GLI2: variants seen among roughly 807,000 people sequenced by gnomAD.
The protein encoded by GLI2 is GLI family zinc finger 2.
In GLI2, 22 loss-of-function variants were observed where a neutral mutation model predicts 78.9. The observed-to-expected ratio is 0.28, with a 90% CI of 0.20 to 0.40. The LOEUF (loss-of-function observed/expected upper bound fraction) is 0.40. GLI2 is among the 10% of genes least tolerant of loss of function. GLI2 has a pLI of 1.00. For synonymous variants in GLI2, 974 were observed against 963.7 expected (o/e 1.01, Z -0.20); for missense variants, 2,097 against 2,213.2 (o/e 0.95, Z 1.05).
At chr2:120,775,553 C>G (rs1349146814) in intron 1 of GLI2, among the ~76,000 whole-genome samples, 1 of 152,156 alleles carries the variant, frequency 6.6e-6, no homozygotes, top group Non-Finnish European at 1.5e-5. Context: ...CATTTTGCTC[C>G]CCCATGCACC....
At chr2:120,821,805 C>G (rs1264232933) in intron 2 of GLI2, among the ~76,000 whole-genome samples, 2 of 152,198 alleles carry the variant, frequency 1.3e-5, no homozygotes, top group African/African-American at 4.8e-5. Context: ...CCCCATTTTA[C>G]AGATGGGGAT....
rs916788603 is a variant in GLI2 at position 120,933,071 on chromosome 2, C to T, written c.254+5605C>T. The stretch of plus-strand genomic sequence containing the variant: ...CGGGAACTGTGGTGAGAGGACCTGC[C>T]AGAGCTGCCACAGTGGCCCTGGGGA... On this transcript the variant is annotated intron_variant, in intron 3 of 13. Coordinates refer to ENST00000361492, the MANE Select transcript of GLI2 (RefSeq NM_001374353.1). Among the ~76,000 whole-genome samples the T allele has an allele frequency of 5.3e-5, 8 of 152,124 alleles. No homozygotes were observed. In the East Asian group the frequency reaches 1.3e-3, roughly 26 times the overall value.
intron 1 of GLI2, among the ~76,000 whole-genome samples, chr2:120,759,232 G>A (rs937738155): frequency 2.6e-5 from 4 of 152,154 alleles, no homozygotes; most frequent in African/African-American, 4.8e-5. Context: ...CACTTCTGCC[G>A]TGAATACCAG....
chr2:120,848,590 G>C (rs1687237361), intron 2 of GLI2, among the ~76,000 whole-genome samples: 1 of 152,196 alleles, frequency 6.6e-6, no homozygotes, highest in Non-Finnish European at 1.5e-5. Context: ...AGGAGACCCT[G>C]GGGAGGGAAG....
chr2:120,896,298 A>G (rs574987086), intron 2 of GLI2, among the ~76,000 whole-genome samples: 2 of 151,508 alleles, frequency 1.3e-5, no homozygotes, highest in African/African-American at 4.8e-5. Context: ...TGGGAGACTC[A>G]GACACACCAG....
chr2:120,785,916 C>T lies in GLI2; in HGVS notation c.-30-11375C>T, dbSNP rs530318578. On this transcript the variant is annotated intron_variant, in intron 1 of 13. Coordinates refer to ENST00000361492, the MANE Select transcript of GLI2 (RefSeq NM_001374353.1). Reference sequence around the variant, plus strand: ...CAGGTAAGGGGCCCAGTGACAGCCCCGCTGCATCATTGGCAAAGGACTGCT... The same window carrying T: ...CAGGTAAGGGGCCCAGTGACAGCCCTGCTGCATCATTGGCAAAGGACTGCT... Among the ~76,000 whole-genome samples, 19 of 152,330 alleles carry T rather than the reference C, an allele frequency of 1.2e-4. No homozygotes were observed. In the East Asian group the frequency reaches 2.5e-3, roughly 20 times the overall value.
intron 3 of GLI2, among the ~76,000 whole-genome samples, chr2:120,933,437 G>C (rs771189539): frequency 2.0e-5 from 3 of 152,146 alleles, no homozygotes; most frequent in Non-Finnish European, 4.4e-5. Context: ...GTCAAGCAAG[G>C]TTCTCTTGAA....
At chr2:120,801,024 C>T (rs1187136258) in intron 2 of GLI2, among the ~76,000 whole-genome samples, 1 of 152,208 alleles carries the variant, frequency 6.6e-6, no homozygotes, top group African/African-American at 2.4e-5. Context: ...ATGCAGCCTC[C>T]CCCACCCCTC....
chr2:120,749,852 A>G (rs1682811507), intron 1 of GLI2, among the ~76,000 whole-genome samples: 1 of 152,242 alleles, frequency 6.6e-6, no homozygotes, highest in Non-Finnish European at 1.5e-5. Flanking sequence ...CAAGTGCCGC[A>G]TCAGCCCCCA....
At chr2:120,785,923 T>G (rs1431999334) in intron 1 of GLI2, among the ~76,000 whole-genome samples, 2 of 152,202 alleles carry the variant, frequency 1.3e-5, no homozygotes, top group African/African-American at 2.4e-5. Flanking sequence ...CCCCGCTGCA[T>G]CATTGGCAAA....
intron 1 of GLI2, among the ~76,000 whole-genome samples, chr2:120,761,757 C>A (rs999323969): frequency 1.3e-5 from 2 of 152,136 alleles, no homozygotes; most frequent in African/African-American, 4.8e-5. Flanking sequence ...TGTGCCATTC[C>A]AGGATGCCAG....
intron 2 of GLI2, among the ~76,000 whole-genome samples, chr2:120,839,445 T>A (rs1686763654): frequency 6.6e-6 from 1 of 152,254 alleles, no homozygotes; most frequent in African/African-American, 2.4e-5. Context: ...CAGGAATGTG[T>A]TCATTTTTCT....
Position 120,990,657 on chromosome 2 carries a change from C to T in GLI2, c.4692C>T (p.Phe1564=), listed in dbSNP as rs1397595368. 6.2e-7 allele frequency: 1 copy of T among 1,612,452 alleles called. No homozygotes were observed. Among genetic ancestry groups the T allele is most frequent in the East Asian group, 2.2e-5 (1 of 44,862 alleles). The change falls in exon 14 of 14, where the codon TTC becomes TTT. Residue 1564 remains phenylalanine, a synonymous_variant. Transcript: ENST00000361492. ...MLTSLAEESK[F]LNMMT ...CCAGCCTCGCCGAGGAGAGCAAGTT[C>T]CTGAACATGATGACCTAGAGGCCCG...
In GLI2 at chr2:120,790,015, C is replaced by G. The variant is rs1339344399; in HGVS notation, c.-30-7276C>G. Among the ~76,000 whole-genome samples, 5 of 152,214 alleles carry G rather than the reference C, an allele frequency of 3.3e-5. No individual in the cohort carries two copies. In the East Asian group the frequency reaches 9.6e-4, roughly 29 times the overall value. On this transcript the variant is annotated intron_variant, in intron 1 of 13. Transcript: ENST00000361492. Reference sequence around the variant, plus strand: ...TTCTCTAGTCATGGGGCTCCCGGTGCAGCGACACCCTAGGCAGAGGAGGGG... The same window carrying G: ...TTCTCTAGTCATGGGGCTCCCGGTGGAGCGACACCCTAGGCAGAGGAGGGG...
At chr2:120,738,042 G>A (rs1682421377) in intron 1 of GLI2, among the ~76,000 whole-genome samples, 2 of 152,232 alleles carry the variant, frequency 1.3e-5, no homozygotes, top group African/African-American at 4.8e-5. Flanking sequence ...CCTCCCTGGG[G>A]CCTGGGAACG....
At chr2:120,914,653 A>C (rs1360760346) in intron 2 of GLI2, among the ~76,000 whole-genome samples, 1 of 152,074 alleles carries the variant, frequency 6.6e-6, no homozygotes, top group Non-Finnish European at 1.5e-5. Flanking sequence ...AGCTCACCCC[A>C]GTCTCCCACC....
intron 3 of GLI2, among the ~76,000 whole-genome samples, chr2:120,934,948 A>G (rs995625229): frequency 2.0e-5 from 3 of 152,280 alleles, no homozygotes; most frequent in East Asian, 3.9e-4. Flanking sequence ...GTGACTCACC[A>G]GTGTCATCCC....
chr2:120,850,064 G>A (rs1444441574), intron 2 of GLI2, among the ~76,000 whole-genome samples: 1 of 152,214 alleles, frequency 6.6e-6, no homozygotes, highest in Admixed American at 6.5e-5. Context: ...AAAGGCAGGT[G>A]ATGGAGTATT....
At chr2:120,884,859 T>A (rs1165730655) in intron 2 of GLI2, among the ~76,000 whole-genome samples, 1 of 152,150 alleles carries the variant, frequency 6.6e-6, no homozygotes, top group Admixed American at 6.5e-5. Context: ...GCTCACCCCC[T>A]GGGCCGGAAG....
Sources: gnomAD v4.1 joint callset for allele counts (sites outside exome capture counted in the v4.1 genomes callset) on GRCh38, gnomAD v4.1.1 for gene constraint, MANE v1.5 for transcripts, NCBI Gene and HGNC (gene_info 2026-07-23, HGNC 2026-07-21) for gene names.